Variants in MYH10 observed in about 807,000 individuals in gnomAD.
MYH10 encodes myosin-10.
A neutral mutation model predicts 257.8 loss-of-function variants in MYH10; 55 were observed. That is an observed-to-expected ratio of 0.21 (90% confidence interval 0.17 to 0.27). The LOEUF (loss-of-function observed/expected upper bound fraction) is 0.27, where lower values mean the gene tolerates loss of function less well. MYH10 is among the 10% of genes least tolerant of loss of function. The probability of loss-of-function intolerance (pLI) is 1.00; values close to 1 mark genes in which losing one functional copy is unlikely to be tolerated. For synonymous variants in MYH10, 854 were observed against 921.7 expected (o/e 0.93, Z 1.33); for missense variants, 1,631 against 2,500.6 (o/e 0.65, Z 7.42).
At chr17:8,579,055 T>A (rs953380807) in intron 4 of MYH10, among the ~76,000 whole-genome samples, 3 of 152,026 alleles carry the variant, frequency 2.0e-5, no homozygotes, top group African/African-American at 7.3e-5. Flanking sequence ...GGCCGGAGAA[T>A]CGCTTTAGCC....
chr17:8,509,836 C>T lies in MYH10; in HGVS notation c.3066G>A (p.Glu1022=), dbSNP rs769362238. The T allele has an allele frequency of 1.9e-6, 3 of 1,608,234 alleles. No homozygotes were observed. The highest frequency in any genetic ancestry group is 2.2e-5 in the South Asian group (2 of 90,080). ...KKMEEEILLL[E]DQNSKFIKEK... ...CTTTGATGAACTTGGAATTTTGGTC[C>T]TCGAGAAGCAGAATCTCCTCTTCCA... Residue 1022 remains glutamate, a synonymous_variant, in exon 25 of 43, where the codon GAG becomes GAA. Coordinates refer to ENST00000360416, the MANE Select transcript of MYH10 (RefSeq NM_001256012.3).
intron 2 of MYH10, among the ~76,000 whole-genome samples, chr17:8,617,570 T>C (rs375899897): frequency 2.6e-5 from 4 of 152,322 alleles, no homozygotes; most frequent in Non-Finnish European, 4.4e-5. Flanking sequence ...GCTGAAGATA[T>C]GAGTTACAGA....
At position 8,556,010 on chromosome 17, in the gene MYH10, AATGGCCAACAAGTAT is replaced by A. The variant is rs201722309; in HGVS notation, c.757-2007_757-1993del. On this transcript the variant is annotated intron_variant, in intron 7 of 42. Transcript: ENST00000360416. ...GACACTTCATCACAAAAGATATGTG[AATGGCCAACAAGTAT>A]ATGAAAAGATGTACACTATCATTAG... Among the ~76,000 whole-genome samples, 39 of 152,346 alleles carry A rather than the reference AATGGCCAACAAGTAT, an allele frequency of 2.6e-4. 1 individual carries two copies. The East Asian group carries it at 7.5e-3, about 29-fold the overall frequency.
chr17:8,478,853 C>G (rs1913166568), intron 40 of MYH10, among the ~76,000 whole-genome samples: 1 of 152,162 alleles, frequency 6.6e-6, no homozygotes. Context: ...GCCTCAGCCT[C>G]CTGAGTAGCT....
chr17:8,523,895 A>T (rs2081745666), intron 17 of MYH10, among the ~76,000 whole-genome samples: 1 of 152,182 alleles, frequency 6.6e-6, no homozygotes, highest in African/African-American at 2.4e-5. Context: ...GGTAGGGAAG[A>T]CAAGGAGGGA....
intron 28 of MYH10, 55 bp from the exon 29 acceptor site, chr17:8,501,025 C>T (rs903675633): frequency 1.3e-6 from 2 of 1,530,652 alleles, no homozygotes; most frequent in Non-Finnish European, 1.8e-6. Flanking sequence ...ATTAAAAACA[C>T]ATTTTCTTTT....
chr17:8,546,523 A>G (rs1304109417), intron 12 of MYH10, 21 bp downstream of exon 12: 1 of 1,585,270 alleles, frequency 6.3e-7, no homozygotes. Flanking sequence ...AATCAGTAAT[A>G]ACAATGAACA....
chr17:8,554,046 G>A, intron 7 of MYH10, 28 bp from the exon 8 acceptor site: 1 of 1,525,348 alleles, frequency 6.6e-7, no homozygotes, highest in Non-Finnish European at 9.1e-7. Flanking sequence ...AGAGAAAATT[G>A]AAAATAAGTA....
chr17:8,540,128 T>C (rs992545303), intron 14 of MYH10, among the ~76,000 whole-genome samples: 3 of 152,210 alleles, frequency 2.0e-5, no homozygotes, highest in Non-Finnish European at 4.4e-5. Context: ...TAGCCGAGAC[T>C]ACAGGCACAT....
chr17:8,497,243 C>T (rs559048596), intron 30 of MYH10, among the ~76,000 whole-genome samples: 3 of 152,200 alleles, frequency 2.0e-5, no homozygotes, highest in Non-Finnish European at 2.9e-5. Flanking sequence ...TCTTGGGCCT[C>T]GGACACAAGA....
rs148989641 is a variant in MYH10, at chr17:8,615,573, G to A, written c.345+7329C>T. Among the ~76,000 whole-genome samples, 180 of 152,166 alleles carry A rather than the reference G, an allele frequency of 1.2e-3. 2 individuals are homozygous for A. The East Asian group carries it at 0.02, about 17-fold the overall frequency. ...CAAAATACTAGCAAACAGAATCTAG[G>A]AATCTCACTCTCTCTTTGTGTACAT... On this transcript the variant is annotated intron_variant, in intron 2 of 42. Transcript: ENST00000360416.
At chr17:8,486,170 A>G (rs1914729246) in intron 36 of MYH10, among the ~76,000 whole-genome samples, 1 of 152,220 alleles carries the variant, frequency 6.6e-6, no homozygotes, top group South Asian at 2.1e-4. Flanking sequence ...CGCAGGATGC[A>G]GCAGGGATAC....
intron 3 of MYH10, 51 bp downstream of exon 3, chr17:8,604,775 A>T: frequency 7.7e-7 from 1 of 1,295,342 alleles, no homozygotes; most frequent in South Asian, 2.3e-5. Flanking sequence ...AAAAACAGTA[A>T]ATTACATTTA....
At chr17:8,539,040 T>C (rs965468483) in intron 14 of MYH10, among the ~76,000 whole-genome samples, 2 of 152,096 alleles carry the variant, frequency 1.3e-5, no homozygotes, top group African/African-American at 2.4e-5. Flanking sequence ...AAAAGCCAGT[T>C]TGGCCATTTC....
At chr17:8,495,486 G>A (rs919904457) in intron 30 of MYH10, among the ~76,000 whole-genome samples, 2 of 151,926 alleles carry the variant, frequency 1.3e-5, no homozygotes, top group African/African-American at 2.4e-5. Flanking sequence ...GACAGGGGGC[G>A]GGGGGTCTCC....
At chr17:8,581,036 T>C (rs573978593) in intron 4 of MYH10, among the ~76,000 whole-genome samples, 1 of 151,802 alleles carries the variant, frequency 6.6e-6, no homozygotes, top group Non-Finnish European at 1.5e-5. Context: ...GATGGAGAGG[T>C]ACATGCAAAG....
rs2081268057 is a variant in MYH10 at position 8,511,051 on chromosome 17, T to TAC, written c.2953-1103_2953-1102insGT. Reference sequence around the variant, plus strand: ...ATATATATATATATATATATATATATATATATATACACACATACATACATA... The same window carrying TAC: ...ATATATATATATATATATATATATATACATATATATACACACATACATACATA... On this transcript the variant is annotated intron_variant, in intron 24 of 42. Coordinates refer to ENST00000360416, the MANE Select transcript of MYH10 (RefSeq NM_001256012.3). 8 of 44,258 alleles carry TAC rather than the reference T, an allele frequency of 1.8e-4. No homozygotes were observed. The South Asian group carries it at 2.2e-3, about 12-fold the overall frequency. The allele number at this position is 44,258 out of a possible 1,614,324, so 2.7% of individuals were successfully genotyped here.
At chr17:8,554,827 C>T (rs886080911) in intron 7 of MYH10, among the ~76,000 whole-genome samples, 1 of 152,212 alleles carries the variant, frequency 6.6e-6, no homozygotes, top group African/African-American at 2.4e-5. Context: ...GTGGCGCATG[C>T]CTGTAATCCC....
intron 7 of MYH10, among the ~76,000 whole-genome samples, chr17:8,564,171 T>G (rs2036031): frequency 0.96 from 146,880 of 152,308 alleles, 71,057 homozygotes; most frequent in East Asian, 1. Context: ...CTCTCCTAAA[T>G]AAAGAATCCC....
Sources: gnomAD v4.1 joint callset for allele counts (sites outside exome capture counted in the v4.1 genomes callset) on GRCh38, gnomAD v4.1.1 for gene constraint, MANE v1.5 for transcripts, NCBI Gene and HGNC (gene_info 2026-07-23, HGNC 2026-07-21) for gene names.